The following EPHA7 variants were observed in gnomAD, a reference collection of about 807,000 sequenced individuals.
EPHA7 encodes EPH receptor A7.
A neutral mutation model predicts 112.6 loss-of-function variants in EPHA7; 25 were observed. The ratio of observed to expected loss-of-function variants is 0.22; its 90% CI spans 0.16 to 0.31. The LOEUF (loss-of-function observed/expected upper bound fraction) is 0.31, where lower values mean the gene tolerates loss of function less well. Among genes scored for constraint, EPHA7 ranks in the 10% least tolerant of loss-of-function variants. The probability of loss-of-function intolerance (pLI) is 1.00; values close to 1 mark genes in which losing one functional copy is unlikely to be tolerated. For synonymous variants in EPHA7, 437 were observed against 406.5 expected (o/e 1.07, Z -0.90); for missense variants, 962 against 1,212.6 (o/e 0.79, Z 3.07).
chr6:93,246,468 T>G (rs1031204936), intron 15 of EPHA7, among the ~76,000 whole-genome samples: 4 of 152,116 alleles, frequency 2.6e-5, no homozygotes, highest in African/African-American at 9.7e-5. Context: ...TAAAAACCCA[T>G]GTAATAATAA....
intron 5 of EPHA7, among the ~76,000 whole-genome samples, chr6:93,324,200 G>A (rs1441717053): frequency 6.7e-6 from 1 of 149,634 alleles, no homozygotes; most frequent in East Asian, 1.9e-4. Flanking sequence ...GTTAGTCCTG[G>A]GATAACTTCC....
chr6:93,271,828 C>T (rs1328729984), intron 6 of EPHA7, among the ~76,000 whole-genome samples: 1 of 151,680 alleles, frequency 6.6e-6, no homozygotes, highest in East Asian at 1.9e-4. Flanking sequence ...ATTTGTAAGT[C>T]TGAAGAACTA....
In EPHA7 at chr6:93,308,357, TA is replaced by T. The variant is rs1257275823; in HGVS notation, c.1325-35936del. ...TATACCAAAGGAAAATATATCTTAT[TA>T]TTTTTTGCTGTTACAATTAGAAGCA... On this transcript the variant is annotated intron_variant, in intron 5 of 16. Transcript: ENST00000369303. Among the ~76,000 whole-genome samples, 3 of 152,268 alleles carry T rather than the reference TA, an allele frequency of 2.0e-5. No individual in the cohort carries two copies. In the East Asian group the frequency reaches 5.8e-4, roughly 30 times the overall value.
intron 3 of EPHA7, among the ~76,000 whole-genome samples, chr6:93,361,365 A>G (rs1776252354): frequency 6.6e-6 from 1 of 151,738 alleles, no homozygotes; most frequent in Non-Finnish European, 1.5e-5. Flanking sequence ...AAAGCCAAGA[A>G]CATGCAAAAA....
chr6:93,293,186 A>T (rs1412960393), intron 5 of EPHA7, among the ~76,000 whole-genome samples: 1 of 150,616 alleles, frequency 6.6e-6, no homozygotes, highest in Non-Finnish European at 1.5e-5. Flanking sequence ...TATATATATA[A>T]TTTTTTGTTA....
chr6:93,301,520 T>A, intron 5 of EPHA7, among the ~76,000 whole-genome samples: 1 of 152,296 alleles, frequency 6.6e-6, no homozygotes, highest in South Asian at 2.1e-4. Context: ...AAATACTTTA[T>A]AAATGTTTAT....
chr6:93,408,232 C>G (rs896029279), intron 3 of EPHA7, among the ~76,000 whole-genome samples: 35 of 152,070 alleles, frequency 2.3e-4, no homozygotes, highest in African/African-American at 8.2e-4. Flanking sequence ...TCATATCAAT[C>G]AAGTTCTGCA....
chr6:93,318,587 T>C (rs572786924), intron 5 of EPHA7, among the ~76,000 whole-genome samples: 88 of 152,270 alleles, frequency 5.8e-4, no homozygotes, highest in Non-Finnish European at 9.9e-4. Flanking sequence ...AGACAACTGC[T>C]TTTAATAAAC....
chr6:93,393,089 G>A (rs1200190485), intron 3 of EPHA7, among the ~76,000 whole-genome samples: 1 of 151,618 alleles, frequency 6.6e-6, no homozygotes, highest in African/African-American at 2.4e-5. Context: ...TTTGAATAAG[G>A]GTGCTTCAAT....
intron 3 of EPHA7, among the ~76,000 whole-genome samples, chr6:93,359,854 T>TACAGAGAG (rs1307979710): frequency 6.4e-5 from 8 of 125,310 alleles, no homozygotes; most frequent in South Asian, 2.7e-4. Context: ...CAATAGATGA[T>TACAGAGAG]AGAGAGAGAG....
intron 5 of EPHA7, among the ~76,000 whole-genome samples, chr6:93,336,527 C>A (rs764106400): frequency 6.6e-5 from 10 of 152,068 alleles, no homozygotes; most frequent in African/African-American, 2.4e-4. Context: ...CTCAGCCTCC[C>A]GAGTAGCTGG....
intron 5 of EPHA7, among the ~76,000 whole-genome samples, chr6:93,311,112 C>CTCTTTTTTTTTT (rs1434719790): frequency 1.4e-5 from 1 of 71,030 alleles, no homozygotes; most frequent in Non-Finnish European, 2.7e-5. Context: ...TCATGCCCAG[C>CTCTTTTTTTTTT]TATTTTTTTT....
At chr6:93,327,789 C>T (rs1271021838) in intron 5 of EPHA7, among the ~76,000 whole-genome samples, 1 of 151,468 alleles carries the variant, frequency 6.6e-6, no homozygotes, top group Non-Finnish European at 1.5e-5. Context: ...CAATAGCCTC[C>T]TAAACTAATC....
rs567026941 is a variant in EPHA7 at position 93,310,554 on chromosome 6, A to G, written c.1325-38132T>C. 4.6e-5 allele frequency among the ~76,000 whole-genome samples: 7 copies of G among 151,940 alleles called. No individual in the cohort carries two copies. In the East Asian group the frequency reaches 1.4e-3, roughly 30 times the overall value. On this transcript the variant is annotated intron_variant, in intron 5 of 16. Transcript: ENST00000369303. Reference sequence around the variant, plus strand: ...GTGGCGGGCGCCTGTAATCCCAGCTACTTGGGAGGCTGAGGCAGAAAATTG... The same window carrying G: ...GTGGCGGGCGCCTGTAATCCCAGCTGCTTGGGAGGCTGAGGCAGAAAATTG...
At chr6:93,335,885 ATTTC>A (rs1312014660) in intron 5 of EPHA7, among the ~76,000 whole-genome samples, 1 of 152,152 alleles carries the variant, frequency 6.6e-6, no homozygotes, top group African/African-American at 2.4e-5. Context: ...TATCTAATTC[ATTTC>A]TTGATATAAT....
intron 5 of EPHA7, among the ~76,000 whole-genome samples, chr6:93,290,084 CA>C: frequency 6.6e-6 from 1 of 151,816 alleles, no homozygotes; most frequent in East Asian, 1.9e-4. Flanking sequence ...GTATCTAAGC[CA>C]AGAGTTTCCT....
intron 1 of EPHA7, among the ~76,000 whole-genome samples, chr6:93,417,451 A>T (rs1215283065): frequency 2.0e-5 from 3 of 152,122 alleles, no homozygotes; most frequent in African/African-American, 7.2e-5. Flanking sequence ...CCTTTTATAC[A>T]TCACACTTCT....
intron 5 of EPHA7, among the ~76,000 whole-genome samples, chr6:93,354,436 T>A (rs1775840919): frequency 6.6e-6 from 1 of 152,156 alleles, no homozygotes; most frequent in East Asian, 1.9e-4. Flanking sequence ...TTAACCTTTA[T>A]TTATGTTTAT....
At chr6:93,359,870 G>GATAGAT (rs1554185696) in intron 3 of EPHA7, among the ~76,000 whole-genome samples, 3 of 131,132 alleles carry the variant, frequency 2.3e-5, no homozygotes, top group African/African-American at 9.1e-5. Flanking sequence ...GAGAGAGAGA[G>GATAGAT]AGAGAGATAG....
Sources: gnomAD v4.1 joint callset for allele counts (sites outside exome capture counted in the v4.1 genomes callset) on GRCh38, gnomAD v4.1.1 for gene constraint, MANE v1.5 for transcripts, NCBI Gene and HGNC (gene_info 2026-07-23, HGNC 2026-07-21) for gene names.